Variants in GASK1A observed in about 807,000 individuals in gnomAD.
The protein encoded by GASK1A is golgi associated kinase 1A, also known as Golgi-associated kinase 1A.
GASK1A carries 40 observed loss-of-function variants against 41.2 expected under a neutral mutation model. The ratio of observed to expected loss-of-function variants is 0.97; its 90% CI spans 0.75 to 1.27. The LOEUF (loss-of-function observed/expected upper bound fraction) is 1.27. Among genes scored for constraint, GASK1A ranks in the 50% most tolerant of loss-of-function variants. The pLI is 0.00. For synonymous variants in GASK1A, 316 were observed against 307.1 expected (o/e 1.03, Z -0.30); for missense variants, 678 against 745.1 (o/e 0.91, Z 1.05).
At chr3:43,053,168 A>G (rs935963581) in intron 2 of GASK1A, among the ~76,000 whole-genome samples, 1 of 152,222 alleles carries the variant, frequency 6.6e-6, no homozygotes, top group Non-Finnish European at 1.5e-5. Context: ...TTAAAGAAAA[A>G]ATAGAGTGAT....
chr3:43,032,716 G>T lies in GASK1A; in HGVS notation c.453G>T (p.Leu151=), dbSNP rs1315454287. ...DEVGDPGTKD[L]GHPQHGSPIQ... is the part of the protein sequence containing the mutation. ...TTGGAGATCCAGGAACCAAAGACCT[G>T]GGCCACCCCCAGCATGGCAGTCCCA... Residue 151 remains leucine (L), a synonymous_variant, in exon 2 of 5, where the codon CTG becomes CTT. Coordinates refer to ENST00000430121, the MANE Select transcript of GASK1A (RefSeq NM_001129908.3). The T allele has an allele frequency of 5.8e-6, 9 of 1,551,470 alleles. No individual in the cohort carries two copies. Among genetic ancestry groups the T allele is most frequent in the Middle Eastern group, 1.7e-4 (1 of 6,014 alleles).
intron 1 of GASK1A, among the ~76,000 whole-genome samples, chr3:43,007,414 G>A (rs2089441605): frequency 6.6e-6 from 1 of 152,126 alleles, no homozygotes; most frequent in Non-Finnish European, 1.5e-5. Context: ...TCTTCTGCTG[G>A]GTGCAGGAGG....
chr3:42,979,588 G>A lies in GASK1A; in HGVS notation c.-55G>A. Reference sequence around the variant, plus strand: ...GGGGGCGGCCAAGGGGAGGCGGGATGAGTCTGCGAGCCGGCTGAGCGCGCC... The same window carrying A: ...GGGGGCGGCCAAGGGGAGGCGGGATAAGTCTGCGAGCCGGCTGAGCGCGCC... On this transcript the variant is annotated 5_prime_UTR_variant, in exon 1 of 5. The change abolishes an upstream ATG in the 5' untranslated region. Coordinates refer to ENST00000430121, the MANE Select transcript of GASK1A (RefSeq NM_001129908.3). 1 of 1,239,888 alleles carries A rather than the reference G, an allele frequency of 8.1e-7. No homozygotes were observed. Among genetic ancestry groups the A allele is most frequent in the Non-Finnish European group, 1.0e-6 (1 of 987,584 alleles). 76.8% of individuals were successfully genotyped at this position (1,239,888 alleles called of 1,614,324 possible). A position where few individuals can be genotyped will look rare whatever the true frequency, so the allele number is the denominator to read the frequency against.
rs1177208886 is a variant in GASK1A at position 43,032,699 on chromosome 3, C to A, written c.436C>A (p.Pro146Thr). 3 of 1,551,504 alleles carry A rather than the reference C, an allele frequency of 1.9e-6. No individual in the cohort carries two copies. The highest frequency in any genetic ancestry group is 2.6e-6 in the Non-Finnish European group (3 of 1,146,998). Residue 146 changes from proline to threonine, a missense_variant, in exon 2 of 5, where the codon CCA (proline) becomes ACA (threonine). Pro to Thr is a conservative substitution (Grantham distance 38). Transcript: ENST00000430121. ...VLLREDEVGD[P>T]GTKDLGHPQH... is the part of the protein sequence containing the mutation. ...CCTGAGGGAGGATGAGGTTGGAGATCCAGGAACCAAAGACCTGGGCCACCC... is the reference window on the plus strand; with the variant it reads ...CCTGAGGGAGGATGAGGTTGGAGATACAGGAACCAAAGACCTGGGCCACCC...
intron 1 of GASK1A, among the ~76,000 whole-genome samples, chr3:43,011,681 G>A (rs2089464159): frequency 1.3e-5 from 2 of 152,144 alleles, no homozygotes; most frequent in Admixed American, 1.3e-4. Flanking sequence ...AAGAAATTAT[G>A]TGAAGTCACA....
chr3:42,985,936 G>A (rs918458335), intron 1 of GASK1A, among the ~76,000 whole-genome samples: 2 of 152,190 alleles, frequency 1.3e-5, no homozygotes, highest in African/African-American at 4.8e-5. Context: ...TTTTTTAAAA[G>A]TTAAACATAC....
At chr3:43,040,936 C>T (rs917383338) in intron 2 of GASK1A, among the ~76,000 whole-genome samples, 6 of 148,900 alleles carry the variant, frequency 4.0e-5, no homozygotes, top group South Asian at 2.1e-4. Context: ...CTTGTGTTCT[C>T]GTTGTTCAAT....
chr3:43,031,761 G>A (rs147860939), intron 1 of GASK1A, among the ~76,000 whole-genome samples: 180 of 152,320 alleles, frequency 1.2e-3, no homozygotes, highest in Non-Finnish European at 2.1e-3. Flanking sequence ...CAGGGACTTG[G>A]TCACATGGTC....
At chr3:43,019,657 AG>A (rs1485776441) in intron 1 of GASK1A, among the ~76,000 whole-genome samples, 7 of 152,112 alleles carry the variant, frequency 4.6e-5, no homozygotes, top group Admixed American at 2.0e-4. Flanking sequence ...TGAATCAGGC[AG>A]GGTGGCTGTT....
intron 1 of GASK1A, among the ~76,000 whole-genome samples, chr3:42,997,406 A>G (rs1178930146): frequency 7.1e-6 from 1 of 140,282 alleles, no homozygotes; most frequent in Non-Finnish European, 1.5e-5. Flanking sequence ...TCAAGCTACT[A>G]CTTTCACACG....
In GASK1A at chr3:42,984,506, T is replaced by C. The variant is rs115501671; in HGVS notation, c.3+4861T>C. ...GCTGAGTGGAAGATGGAAGGTGCTT[T>C]ATAATAGCATCTGGTGAATCCTGGG... On this transcript the variant is annotated intron_variant, in intron 1 of 4. Transcript: ENST00000430121. This position sits in a 1 kb window ranked among gnomAD's most constrained non-coding sequence, Gnocchi z 4.2. Among the ~76,000 whole-genome samples the C allele has an allele frequency of 3.6e-3, 544 of 152,158 alleles. 2 individuals carry two copies. Among genetic ancestry groups the C allele is most frequent in the African/African-American group, 0.012 (517 of 41,504 alleles).
At chr3:42,997,876 G>C (rs1227167190) in intron 1 of GASK1A, among the ~76,000 whole-genome samples, 1 of 152,214 alleles carries the variant, frequency 6.6e-6, no homozygotes, top group Non-Finnish European at 1.5e-5. Context: ...CCAGTGCAGG[G>C]TGCATGAGAG....
chr3:43,045,630 C>G lies in GASK1A; in HGVS notation c.1291-7891C>G, dbSNP rs139905616. 2.2e-3 allele frequency among the ~76,000 whole-genome samples: 332 copies of G among 152,286 alleles called. 4 individuals are homozygous for G. Among genetic ancestry groups the G allele is most frequent in the African/African-American group, 7.7e-3 (320 of 41,554 alleles). On this transcript the variant is annotated intron_variant, in intron 2 of 4. Coordinates refer to ENST00000430121, the MANE Select transcript of GASK1A (RefSeq NM_001129908.3). ...TGTTGGTAGCCTCTGGTGGCTCTTG[C>G]TAAGGATGGGGTGCATATGAAAGCA...
intron 2 of GASK1A, among the ~76,000 whole-genome samples, chr3:43,033,905 C>G (rs1379223860): frequency 6.6e-6 from 1 of 152,208 alleles, no homozygotes; most frequent in East Asian, 1.9e-4. Context: ...TTACTATAAT[C>G]TGTGCTTTTG....
intron 1 of GASK1A, among the ~76,000 whole-genome samples, chr3:42,994,781 T>C (rs908570045): frequency 6.6e-6 from 1 of 152,074 alleles, no homozygotes; most frequent in Non-Finnish European, 1.5e-5. Context: ...TGCATATCAT[T>C]TCCCCCGACA....
chr3:43,010,948 G>A (rs1322350628), intron 1 of GASK1A, among the ~76,000 whole-genome samples: 2 of 152,124 alleles, frequency 1.3e-5, no homozygotes, highest in African/African-American at 2.4e-5. Flanking sequence ...ATTGCACCCT[G>A]CCATGGACCT....
At position 43,033,053 on chromosome 3, in the gene GASK1A, C is replaced by T. The variant is rs1278100490; in HGVS notation, c.790C>T (p.His264Tyr). ...GCAGGCTCCCCCATGGCTGACAGAC[C>T]ACGATGTGCAGATGCTCCGTCTGTT... ...GGQAPPWLTD[H>Y]DVQMLRLLAQ... Residue 264 changes from histidine to tyrosine, a missense_variant, in exon 2 of 5, where the codon CAC (histidine) becomes TAC (tyrosine). By Grantham distance (83) the His-to-Tyr change is moderately conservative. Transcript: ENST00000430121. 2 of 1,551,680 alleles carry T rather than the reference C, an allele frequency of 1.3e-6. No homozygotes were observed. Among genetic ancestry groups the T allele is most frequent in the Non-Finnish European group, 1.7e-6 (2 of 1,147,002 alleles).
chr3:42,995,299 A>G (rs2089363508), intron 1 of GASK1A, among the ~76,000 whole-genome samples: 1 of 152,212 alleles, frequency 6.6e-6, no homozygotes, highest in Non-Finnish European at 1.5e-5. Context: ...TTGGGAGACA[A>G]TAGGGAGTAG....
intron 2 of GASK1A, among the ~76,000 whole-genome samples, chr3:43,050,370 A>G (rs2089683459): frequency 1.3e-5 from 2 of 151,998 alleles, no homozygotes; most frequent in South Asian, 4.2e-4. Flanking sequence ...TTTGGCCTCC[A>G]TGGTTTTTGA....
Sources: allele counts gnomAD v4.1 joint callset (sites outside exome capture counted in the v4.1 genomes callset), GRCh38; gene constraint gnomAD v4.1.1; non-coding constraint Gnocchi (gnomAD v3.1); transcripts MANE v1.5; gene names NCBI Gene and HGNC (gene_info 2026-07-23, HGNC 2026-07-21).